Variants in AKT2 observed in about 807,000 individuals in gnomAD.
The protein encoded by AKT2 is RAC-beta serine/threonine-protein kinase.
A neutral mutation model predicts 58.6 loss-of-function variants in AKT2; 16 were observed. The ratio of observed to expected loss-of-function variants is 0.27; its 90% confidence interval spans 0.18 to 0.41. The LOEUF is 0.41. Among genes scored for constraint, AKT2 ranks in the 10% least tolerant of loss-of-function variants. The pLI is 1.00. For synonymous variants in AKT2, 253 were observed against 254.0 expected (o/e 1.00, Z 0.04); for missense variants, 438 against 661.0 (o/e 0.66, Z 3.70).
intron 1 of AKT2, chr19:40,274,962 G>A (rs1040827504): frequency 8.2e-5 from 34 of 414,582 alleles, no homozygotes; most frequent in Non-Finnish European, 1.4e-4. Flanking sequence ...TAGGGAGGCA[G>A]CCCTTCCTCT....
Position 40,242,308 on chromosome 19 carries a change from A to G in AKT2, c.441+226T>C, listed in dbSNP as rs975874698. 11 of 856,980 alleles carry G rather than the reference A, an allele frequency of 1.3e-5. No homozygotes were observed. Among genetic ancestry groups the G allele is most frequent in the Admixed American group, 4.5e-5 (2 of 44,536 alleles). The allele number at this position is 856,980 out of a possible 1,614,324, so 53.1% of individuals were successfully genotyped here. On this transcript the variant is annotated intron_variant, in intron 5 of 13. Coordinates refer to ENST00000392038, the MANE Select transcript of AKT2 (RefSeq NM_001626.6). This position sits in a 1 kb window ranked among gnomAD's most constrained non-coding sequence, Gnocchi z 4.3. Reference sequence around the variant, plus strand: ...CGTGGGGGTAGCCAGGTCTTCACCAACTCCCAGGACGAACCTGCAGTGGGT... The same window carrying G: ...CGTGGGGGTAGCCAGGTCTTCACCAGCTCCCAGGACGAACCTGCAGTGGGT...
chr19:40,273,879 G>A (rs1449474019), intron 1 of AKT2, among the ~76,000 whole-genome samples: 1 of 152,116 alleles, frequency 6.6e-6, no homozygotes, highest in East Asian at 1.9e-4. Context: ...TAGTGCCCAT[G>A]GATCACGTCC....
chr19:40,268,136 C>T (rs2145380086), intron 1 of AKT2, among the ~76,000 whole-genome samples: 2 of 152,254 alleles, frequency 1.3e-5, no homozygotes, highest in East Asian at 3.9e-4. Context: ...TTCCCTGATG[C>T]AAGCTCAGTT....
At position 40,235,610 on chromosome 19, in the gene AKT2, G is replaced by A. The variant is rs1054687996; in HGVS notation, c.1176-260C>T. The stretch of plus-strand genomic sequence containing the variant: ...AAAGGGAGTTAGTAGGGCAGGCTCC[G>A]TTCCTATCCTGGCTCTGCCACATAT... On this transcript the variant is annotated intron_variant, in intron 11 of 13. Transcript: ENST00000392038. This position sits in a 1 kb window ranked among gnomAD's most constrained non-coding sequence, Gnocchi z 6.3. 4.1e-5 allele frequency: 25 copies of A among 614,562 alleles called. 1 individual carries two copies. The highest frequency in any genetic ancestry group is 2.3e-4 in the South Asian group (12 of 51,286). The allele number at this position is 614,562 out of a possible 1,614,324, so 38.1% of individuals were successfully genotyped here. A position where few individuals can be genotyped will look rare whatever the true frequency, so the allele number is the denominator to read the frequency against.
At chr19:40,256,108 G>A (rs1975523867) in intron 3 of AKT2, among the ~76,000 whole-genome samples, 1 of 152,172 alleles carries the variant, frequency 6.6e-6, no homozygotes. Flanking sequence ...AAGACACTTG[G>A]GGAGATGTGT....
intron 2 of AKT2, among the ~76,000 whole-genome samples, chr19:40,264,867 G>A (rs1216568388): frequency 2.0e-5 from 3 of 152,208 alleles, no homozygotes; most frequent in African/African-American, 4.8e-5. Flanking sequence ...CTCGGAGCCC[G>A]GGGCTATCCG....
chr19:40,246,975 C>G (rs776083219), intron 4 of AKT2, among the ~76,000 whole-genome samples: 2 of 152,200 alleles, frequency 1.3e-5, no homozygotes, highest in South Asian at 2.1e-4. Context: ...CTCGCAGGGG[C>G]GGGCCTACCC....
chr19:40,267,126 C>T (rs1292972881), intron 1 of AKT2, among the ~76,000 whole-genome samples: 2 of 152,152 alleles, frequency 1.3e-5, no homozygotes, highest in Non-Finnish European at 1.5e-5. Flanking sequence ...CTCTTGCTCC[C>T]TCCCACTCAC....
Position 40,231,963 on chromosome 19 carries a change from G to A in AKT2, c.*1909C>T, listed in dbSNP as rs150508184. 2.2e-3 allele frequency: 506 copies of A among 233,372 alleles called. 3 individuals are homozygous for A. The highest frequency in any genetic ancestry group is 3.1e-3 in the Non-Finnish European group (368 of 118,130). 14.5% of individuals were successfully genotyped at this position (233,372 alleles called of 1,614,324 possible). On this transcript the variant is annotated 3_prime_UTR_variant, in exon 14 of 14. Coordinates refer to ENST00000392038, the MANE Select transcript of AKT2 (RefSeq NM_001626.6). ...CTGAGGCTCGGCAGCCGGGTGGAAT[G>A]AACCACTCCCTCTCATTCAGTGACA...
chr19:40,270,606 C>T (rs576056886), intron 1 of AKT2: 2 of 152,300 alleles, frequency 1.3e-5, no homozygotes, highest in East Asian at 3.9e-4. Flanking sequence ...CCTGGTGCTG[C>T]GGAGGCTCAT....
At chr19:40,247,216 G>C (rs1568536361) in intron 4 of AKT2, among the ~76,000 whole-genome samples, 1 of 152,196 alleles carries the variant, frequency 6.6e-6, no homozygotes, top group Non-Finnish European at 1.5e-5. Context: ...GGGCAAAGGG[G>C]AGCTCCCCAT....
chr19:40,233,777 G>T lies in AKT2; in HGVS notation c.*95C>A. The stretch of plus-strand genomic sequence containing the variant: ...AAAGGGGGTGAGGAGGTGGGGGTGG[G>T]GACACAAACCAAAAAGGCTAAGTAA... On this transcript the variant is annotated 3_prime_UTR_variant, in exon 14 of 14. Transcript: ENST00000392038. The surrounding 1 kb of genome is among the most constrained non-coding windows in gnomAD (Gnocchi z 4.3). 1 of 1,183,414 alleles carries T rather than the reference G, an allele frequency of 8.5e-7. No homozygotes were observed. The highest frequency in any genetic ancestry group is 1.2e-6 in the Non-Finnish European group (1 of 831,930). The allele number at this position is 1,183,414 out of a possible 1,614,324, so 73.3% of individuals were successfully genotyped here.
At position 40,235,534 on chromosome 19, in the gene AKT2, C is replaced by G. The variant is rs1026704847; in HGVS notation, c.1176-184G>C. 4 of 683,450 alleles carry G rather than the reference C, an allele frequency of 5.9e-6. No homozygotes were observed. The African/African-American group carries it at 7.0e-5, about 12-fold the overall frequency. 42.3% of individuals were successfully genotyped at this position (683,450 alleles called of 1,614,324 possible). A position where few individuals can be genotyped will look rare whatever the true frequency, so the allele number is the denominator to read the frequency against. On this transcript the variant is annotated intron_variant, in intron 11 of 13. Coordinates refer to ENST00000392038, the MANE Select transcript of AKT2 (RefSeq NM_001626.6). The surrounding 1 kb of genome is among the most constrained non-coding windows in gnomAD (Gnocchi z 6.3). ...GTGCCCAGGGTCAGAGCCAGGGAGT[C>G]AGCAACCCGGACCCACGTGTCCTCA...
At chr19:40,236,551 G>A in intron 9 of AKT2, 166 bp from the exon 10 acceptor site, 1 of 911,722 alleles carries the variant, frequency 1.1e-6, no homozygotes, top group Non-Finnish European at 1.7e-6. Context: ...AGAGAGGCCA[G>A]ATCCAACCCT....
intron 2 of AKT2, among the ~76,000 whole-genome samples, chr19:40,263,101 G>A (rs1383380044): frequency 3.3e-5 from 5 of 152,302 alleles, no homozygotes; most frequent in South Asian, 4.1e-4. Flanking sequence ...ACATGAATGC[G>A]GACACTGAAG....
At chr19:40,258,786 G>A (rs1975735865) in intron 2 of AKT2, among the ~76,000 whole-genome samples, 1 of 152,002 alleles carries the variant, frequency 6.6e-6, no homozygotes, top group African/African-American at 2.4e-5. Flanking sequence ...AACATCCTGT[G>A]TGCATGGATT....
chr19:40,240,343 G>GAATGCT, intron 6 of AKT2: 1 of 710,764 alleles, frequency 1.4e-6, no homozygotes. Context: ...ATGTCACAAT[G>GAATGCT]TAAGGACCAG....
intron 4 of AKT2, among the ~76,000 whole-genome samples, chr19:40,249,718 C>T (rs1975007524): frequency 6.6e-6 from 1 of 152,210 alleles, no homozygotes; most frequent in South Asian, 2.1e-4. Flanking sequence ...TATGAAAAGT[C>T]CTCGGAACAG....
chr19:40,244,769 G>A (rs1160444892), intron 4 of AKT2, among the ~76,000 whole-genome samples: 1 of 152,228 alleles, frequency 6.6e-6, no homozygotes, highest in Non-Finnish European at 1.5e-5. Flanking sequence ...CCGCCCCAGG[G>A]CAAGTGTCAC....
Sources: allele counts gnomAD v4.1 joint callset (sites outside exome capture counted in the v4.1 genomes callset), GRCh38; gene constraint gnomAD v4.1.1; non-coding constraint Gnocchi (gnomAD v3.1); transcripts MANE v1.5; gene names NCBI Gene and HGNC (gene_info 2026-07-23, HGNC 2026-07-21).